The following CFAP54 variants were observed in gnomAD, a reference collection of about 807,000 sequenced individuals.
The protein encoded by CFAP54 is cilia and flagella associated protein 54.
Under a neutral mutation model 370.4 loss-of-function variants are expected in CFAP54, and 290 were observed. That is an observed-to-expected ratio of 0.78 (90% CI 0.71 to 0.86). CFAP54 has a LOEUF of 0.86. CFAP54 is among the 40% of genes least tolerant of loss of function. CFAP54 has a pLI of 0.00. For synonymous variants in CFAP54, 1,206 were observed against 1,236.5 expected, an observed-to-expected ratio of 0.98 and a Z score of 0.52; for missense variants, 3,399 against 3,528.7, an observed-to-expected ratio of 0.96 and a Z score of 0.93.
At chr12:96,613,103 T>C (rs533809718) in intron 26 of CFAP54, among the ~76,000 whole-genome samples, 3 of 152,312 alleles carry the variant, frequency 2.0e-5, no homozygotes, top group East Asian at 3.9e-4. Context: ...TATTCCAAAA[T>C]TGACCACATA....
intron 67 of CFAP54, among the ~76,000 whole-genome samples, chr12:96,874,326 A>C (rs1396082386): frequency 6.6e-6 from 1 of 152,176 alleles, no homozygotes; most frequent in African/African-American, 2.4e-5. Flanking sequence ...AAATTCCAAC[A>C]AAGTTAGTTA....
At chr12:96,658,980 C>T (rs541032876) in intron 38 of CFAP54, among the ~76,000 whole-genome samples, 2 of 152,296 alleles carry the variant, frequency 1.3e-5, no homozygotes, top group African/African-American at 4.8e-5. Context: ...TTTCTCCCCA[C>T]CACTAAGCAG....
intron 50 of CFAP54, among the ~76,000 whole-genome samples, chr12:96,737,953 G>A (rs1958000087): frequency 6.6e-6 from 1 of 152,142 alleles, no homozygotes; most frequent in Non-Finnish European, 1.5e-5. Context: ...AAGGCAGGCT[G>A]GGGATGGGGG....
chr12:96,678,467 G>T (rs936575036), intron 39 of CFAP54, among the ~76,000 whole-genome samples: 1 of 152,106 alleles, frequency 6.6e-6, no homozygotes, highest in Non-Finnish European at 1.5e-5. Context: ...GGCCAGGATG[G>T]TCTCAAACTC....
chr12:96,705,349 CTT>C (rs990290115), intron 47 of CFAP54, among the ~76,000 whole-genome samples: 1 of 151,250 alleles, frequency 6.6e-6, no homozygotes, highest in African/African-American at 2.4e-5. Flanking sequence ...TAAATGTAAT[CTT>C]ATTACTTTTC....
intron 66 of CFAP54, among the ~76,000 whole-genome samples, chr12:96,845,550 C>A (rs1298244058): frequency 1.3e-5 from 2 of 152,216 alleles, no homozygotes; most frequent in African/African-American, 4.8e-5. Flanking sequence ...AACCCCACCA[C>A]CACCACAATT....
At chr12:96,538,578 C>T (rs2136385467) in intron 13 of CFAP54, 60 bp downstream of exon 13, 1 of 1,496,424 alleles carries the variant, frequency 6.7e-7, no homozygotes, top group Non-Finnish European at 9.0e-7. Flanking sequence ...CAAGTTGCCA[C>T]ACACATTTCA....
rs369051756 is a variant in CFAP54 at position 96,655,190 on chromosome 12, G to T, written c.5101-2692G>T. On this transcript the variant is annotated intron_variant, in intron 36 of 67. Transcript: ENST00000524981. ...ATCTGAAAATAGACCCATATATATG[G>T]TTTTTTTTTTCCACCAAAGGATTCA... Among the ~76,000 whole-genome samples, 19 of 148,270 alleles carry T rather than the reference G, an allele frequency of 1.3e-4. No individual in the cohort carries two copies. In the South Asian group the frequency reaches 1.3e-3, roughly 10 times the overall value.
chr12:96,805,846 C>T (rs1272557908), intron 63 of CFAP54, among the ~76,000 whole-genome samples: 1 of 151,788 alleles, frequency 6.6e-6, no homozygotes, highest in Non-Finnish European at 1.5e-5. Flanking sequence ...ACCTACGTGT[C>T]CATCAGTAGA....
chr12:96,629,614 A>G (rs1229691392), intron 30 of CFAP54, among the ~76,000 whole-genome samples: 4 of 152,036 alleles, frequency 2.6e-5, no homozygotes, highest in Admixed American at 2.0e-4. Flanking sequence ...CGCCTGGCCT[A>G]TACATTGTAT....
chr12:96,675,886 G>A (rs1957200426), intron 39 of CFAP54, among the ~76,000 whole-genome samples: 1 of 147,372 alleles, frequency 6.8e-6, no homozygotes, highest in Non-Finnish European at 1.5e-5. Context: ...GGAATTGAAG[G>A]ATGAGAATAC....
intron 32 of CFAP54, among the ~76,000 whole-genome samples, chr12:96,640,787 C>G (rs1297818117): frequency 6.6e-6 from 1 of 152,184 alleles, no homozygotes; most frequent in Non-Finnish European, 1.5e-5. Flanking sequence ...CTACAGCTAT[C>G]TGATCTTTGA....
chr12:96,810,122 C>G (rs1457446955), intron 63 of CFAP54, among the ~76,000 whole-genome samples: 1 of 151,860 alleles, frequency 6.6e-6, no homozygotes, highest in Admixed American at 6.6e-5. Flanking sequence ...ATGTTACTCC[C>G]TGTTTGCAGT....
chr12:96,562,894 T>A (rs1955830659), intron 17 of CFAP54, among the ~76,000 whole-genome samples: 1 of 152,240 alleles, frequency 6.6e-6, no homozygotes, highest in Non-Finnish European at 1.5e-5. Context: ...AATATCTCTG[T>A]GTCATCATGT....
intron 58 of CFAP54, among the ~76,000 whole-genome samples, chr12:96,762,113 C>T (rs569140325): frequency 1.3e-5 from 2 of 152,254 alleles, no homozygotes; most frequent in East Asian, 3.9e-4. Context: ...ACCTTAATTT[C>T]TCTCAACAAA....
At position 96,700,036 on chromosome 12, in the gene CFAP54, T is replaced by C. The variant is rs1211520664; in HGVS notation, c.6417T>C (p.Tyr2139=). The change falls in exon 46 of 68, where the codon TAT becomes TAC. Residue 2139 remains tyrosine (Y), a synonymous_variant. Transcript: ENST00000524981. The part of the protein sequence containing the change: ...EAFYEISQIF[Y]GKNMPCPIPA... ...TTTATGAGATATCCCAAATTTTCTATGGAAAAAACATGCCTTGTCCAATAC... is the reference window on the plus strand; with the variant it reads ...TTTATGAGATATCCCAAATTTTCTACGGAAAAAACATGCCTTGTCCAATAC... 6.2e-7 allele frequency: 1 copy of C among 1,609,540 alleles called. No homozygotes were observed. Among genetic ancestry groups the C allele is most frequent in the Non-Finnish European group, 8.5e-7 (1 of 1,177,478 alleles).
At chr12:96,632,013 A>G (rs1990695) in intron 32 of CFAP54, among the ~76,000 whole-genome samples, 57,744 of 151,442 alleles carry the variant, frequency 0.38, 12,094 homozygotes, top group Admixed American at 0.49. Flanking sequence ...AACACTTGAC[A>G]TTATTATCAC....
rs182668120 is a variant in CFAP54, at chr12:96,723,174, T to C, written c.6965+2609T>C. On this transcript the variant is annotated intron_variant, in intron 50 of 67. Transcript: ENST00000524981. ...TGGAAGTATATATGTCTATTAAGCA[T>C]CAATAAAAATACAATGATAAGAATA... 1.8e-3 allele frequency among the ~76,000 whole-genome samples: 274 copies of C among 152,248 alleles called. 3 individuals are homozygous for C. The highest frequency in any genetic ancestry group is 2.6e-3 in the Non-Finnish European group (179 of 68,024).
At chr12:96,741,089 A>T (rs1244043100) in intron 51 of CFAP54, among the ~76,000 whole-genome samples, 1 of 152,272 alleles carries the variant, frequency 6.6e-6, no homozygotes, top group African/African-American at 2.4e-5. Context: ...TAATCTACAT[A>T]CTAGACTCTT....
Sources: gnomAD v4.1 joint callset for allele counts (sites outside exome capture counted in the v4.1 genomes callset) on GRCh38, gnomAD v4.1.1 for gene constraint, MANE v1.5 for transcripts, NCBI Gene and HGNC (gene_info 2026-07-23, HGNC 2026-07-21) for gene names.